NKAIN2: variants seen among roughly 807,000 people sequenced by gnomAD.
NKAIN2 encodes the protein sodium/potassium transporting ATPase interacting 2.
Under a neutral mutation model 32.6 loss-of-function variants are expected in NKAIN2, and 14 were observed. That is an observed-to-expected ratio of 0.43 (90% CI 0.28 to 0.67). The LOEUF (loss-of-function observed/expected upper bound fraction) is 0.67. NKAIN2 is among the 30% of genes least tolerant of loss of function. NKAIN2 has a pLI of 0.17. For synonymous variants in NKAIN2, 80 were observed against 87.2 expected (o/e 0.92, Z 0.46); for missense variants, 198 against 258.3 (o/e 0.77, Z 1.60).
chr6:124,086,701 T>A (rs1784203385), intron 1 of NKAIN2, among the ~76,000 whole-genome samples: 1 of 151,850 alleles, frequency 6.6e-6, no homozygotes, highest in Non-Finnish European at 1.5e-5. Context: ...TATGATGAAA[T>A]GAGCCAAATG....
chr6:124,201,537 A>G (rs1165355673), intron 1 of NKAIN2, among the ~76,000 whole-genome samples: 1 of 152,028 alleles, frequency 6.6e-6, no homozygotes. Flanking sequence ...ACATGGATGT[A>G]TGCACATCTG....
chr6:124,144,815 T>C (rs1046941621), intron 1 of NKAIN2, among the ~76,000 whole-genome samples: 2 of 152,040 alleles, frequency 1.3e-5, no homozygotes, highest in Non-Finnish European at 2.9e-5. Flanking sequence ...TCTGCAAAAG[T>C]TATGTGAAGA....
intron 3 of NKAIN2, among the ~76,000 whole-genome samples, chr6:124,638,892 A>AAAG: frequency 6.7e-6 from 1 of 150,030 alleles, no homozygotes; most frequent in Admixed American, 6.6e-5. Context: ...TCTGTCAAAA[A>AAAG]AAAAAAAAAA....
intron 1 of NKAIN2, among the ~76,000 whole-genome samples, chr6:123,850,706 A>G (rs974415096): frequency 2.0e-5 from 3 of 152,220 alleles, no homozygotes; most frequent in African/African-American, 4.8e-5. Context: ...GAACGTATGC[A>G]TTACTTCACA....
intron 1 of NKAIN2, among the ~76,000 whole-genome samples, chr6:123,818,771 G>A (rs190920860): frequency 6.6e-6 from 1 of 152,070 alleles, no homozygotes; most frequent in Non-Finnish European, 1.5e-5. Flanking sequence ...GGCATTTCCG[G>A]CTTCATTTTT....
At chr6:124,392,523 AGTGTGT>A (rs145701319) in intron 3 of NKAIN2, among the ~76,000 whole-genome samples, 1 of 151,828 alleles carries the variant, frequency 6.6e-6, no homozygotes, top group Admixed American at 6.6e-5. Flanking sequence ...CATAGTGAGA[AGTGTGT>A]GTGTGTGCGC....
rs1387406017 is a variant in NKAIN2 at position 124,192,775 on chromosome 6, A to G, written c.55-90230A>G. 9.6e-5 allele frequency among the ~76,000 whole-genome samples: 11 copies of G among 114,250 alleles called. No homozygotes were observed. In the Admixed American group the frequency reaches 1.2e-3, roughly 12 times the overall value. The allele number at this position is 114,250 out of a possible 152,430, so 75.0% of individuals were successfully genotyped here. On this transcript the variant is annotated intron_variant, in intron 1 of 6. Coordinates refer to ENST00000368417, the MANE Select transcript of NKAIN2 (RefSeq NM_001040214.3). ...TTTTTTTTTTTTTTTTTTGAGACAG[A>G]GTCTCGCTCTGTCGCCCAGGCTGGA...
At chr6:124,666,783 T>G (rs937237926) in intron 4 of NKAIN2, among the ~76,000 whole-genome samples, 5 of 152,104 alleles carry the variant, frequency 3.3e-5, no homozygotes, top group Non-Finnish European at 7.4e-5. Flanking sequence ...ATTCCCTATA[T>G]GCAAATTTAG....
intron 3 of NKAIN2, among the ~76,000 whole-genome samples, chr6:124,462,901 A>C (rs961526456): frequency 3.3e-5 from 5 of 152,070 alleles, no homozygotes; most frequent in African/African-American, 1.2e-4. Flanking sequence ...AGTAAAGTGA[A>C]TCTTAGGAAG....
At chr6:124,067,774 A>G (rs1466295652) in intron 1 of NKAIN2, among the ~76,000 whole-genome samples, 1 of 152,178 alleles carries the variant, frequency 6.6e-6, no homozygotes, top group Non-Finnish European at 1.5e-5. Context: ...TTCCCCAGTT[A>G]TAATCCAAGA....
intron 5 of NKAIN2, among the ~76,000 whole-genome samples, chr6:124,807,028 A>G (rs1407528968): frequency 6.6e-6 from 1 of 152,186 alleles, no homozygotes; most frequent in African/African-American, 2.4e-5. Flanking sequence ...ACACTCCCAC[A>G]CATTAATAAT....
At chr6:124,240,094 C>T (rs1793004022) in intron 1 of NKAIN2, among the ~76,000 whole-genome samples, 1 of 151,956 alleles carries the variant, frequency 6.6e-6, no homozygotes, top group South Asian at 2.1e-4. Flanking sequence ...ATACAAACTA[C>T]CATCAGAGAA....
chr6:124,261,798 T>G (rs1331488129), intron 1 of NKAIN2, among the ~76,000 whole-genome samples: 19 of 150,686 alleles, frequency 1.3e-4, no homozygotes, highest in Non-Finnish European at 1.5e-5. Flanking sequence ...AGGCAGAGAT[T>G]GCAGTGAGCC....
intron 1 of NKAIN2, among the ~76,000 whole-genome samples, chr6:124,189,180 C>G (rs1400688058): frequency 6.6e-6 from 1 of 152,066 alleles, no homozygotes; most frequent in Non-Finnish European, 1.5e-5. Flanking sequence ...AGCAACAAAC[C>G]ATGAGATTAT....
At chr6:123,817,796 A>T (rs1263404882) in intron 1 of NKAIN2, among the ~76,000 whole-genome samples, 1 of 152,178 alleles carries the variant, frequency 6.6e-6, no homozygotes, top group Non-Finnish European at 1.5e-5. Flanking sequence ...AACAGGATGA[A>T]AGTAAAAGAA....
rs9482562 is a variant in NKAIN2 at position 124,487,063 on chromosome 6, T to A, written c.273+131716T>A. ...TCACCCTAACCTGGGAAGTTAAGGA[T>A]GTTAAATTATTTGATAAATTAAGTC... On this transcript the variant is annotated intron_variant, in intron 3 of 6. Transcript: ENST00000368417. Among the ~76,000 whole-genome samples, 1,208 of 152,190 alleles carry A rather than the reference T, an allele frequency of 7.9e-3. 16 individuals carry two copies. Among genetic ancestry groups the A allele is most frequent in the African/African-American group, 0.028 (1,160 of 41,520 alleles).
At chr6:124,028,778 T>C (rs1330136228) in intron 1 of NKAIN2, among the ~76,000 whole-genome samples, 1 of 148,422 alleles carries the variant, frequency 6.7e-6, no homozygotes, top group South Asian at 2.1e-4. Context: ...TGTATATACA[T>C]ATATACGCAT....
intron 3 of NKAIN2, among the ~76,000 whole-genome samples, chr6:124,622,102 T>C (rs1000702327): frequency 7.2e-5 from 11 of 152,202 alleles, no homozygotes; most frequent in Admixed American, 5.2e-4. Context: ...CCAAGGTATG[T>C]GCAGAGGCAT....
chr6:124,793,956 G>T (rs1562386957), intron 5 of NKAIN2, among the ~76,000 whole-genome samples: 3 of 152,282 alleles, frequency 2.0e-5, no homozygotes, highest in East Asian at 1.9e-4. Context: ...CAGCCATGAG[G>T]CAGAGAGAGA....
Sources: gnomAD v4.1 joint callset for allele counts (sites outside exome capture counted in the v4.1 genomes callset) on GRCh38, gnomAD v4.1.1 for gene constraint, MANE v1.5 for transcripts, NCBI Gene and HGNC (gene_info 2026-07-23, HGNC 2026-07-21) for gene names.